The following ANKS1B variants were observed in gnomAD, a reference collection of about 807,000 sequenced individuals.
ANKS1B encodes ankyrin repeat and sterile alpha motif domain containing 1B, also known as ankyrin repeat and sterile alpha motif domain-containing protein 1B.
A neutral mutation model predicts 148.3 loss-of-function variants in ANKS1B; 36 were observed. The observed-to-expected ratio is 0.24, with a 90% CI of 0.19 to 0.32. ANKS1B has a LOEUF of 0.32. ANKS1B is among the 10% of genes least tolerant of loss of function. The pLI, the probability that ANKS1B is intolerant of heterozygous loss-of-function variation, is 1.00. For missense variants in ANKS1B, 1,157 were observed against 1,542.6 expected, an observed-to-expected ratio of 0.75 and a Z score of 4.19; for synonymous variants, 542 against 560.8, an observed-to-expected ratio of 0.97 and a Z score of 0.47.
chr12:98,956,136 G>A (rs961338468), intron 17 of ANKS1B, among the ~76,000 whole-genome samples: 1 of 152,126 alleles, frequency 6.6e-6, no homozygotes, highest in Non-Finnish European at 1.5e-5. Flanking sequence ...CTCCCTCTTT[G>A]TGACTGTGGT....
intron 17 of ANKS1B, among the ~76,000 whole-genome samples, chr12:98,934,423 G>A (rs1321002916): frequency 6.6e-6 from 1 of 152,000 alleles, no homozygotes; most frequent in Non-Finnish European, 1.5e-5. Flanking sequence ...GAAATAGGAC[G>A]TGTGAGGCCT....
At chr12:98,748,837 G>A (rs2097980355) in intron 26 of ANKS1B, among the ~76,000 whole-genome samples, 1 of 152,148 alleles carries the variant, frequency 6.6e-6, no homozygotes, top group Non-Finnish European at 1.5e-5. Context: ...GAAGCCTGTG[G>A]GGACCAGGGT....
chr12:99,563,429 T>C (rs760911324), intron 9 of ANKS1B, among the ~76,000 whole-genome samples: 14 of 152,108 alleles, frequency 9.2e-5, no homozygotes, highest in Non-Finnish European at 1.9e-4. Context: ...AATTTCTATA[T>C]TGTTGTGTCT....
intron 12 of ANKS1B, among the ~76,000 whole-genome samples, chr12:99,382,719 G>A (rs10860428): frequency 0.019 from 1,182 of 62,484 alleles, 14 homozygotes; most frequent in African/African-American, 0.084. Flanking sequence ...AAAAAAAAAA[G>A]AGAGAGAGAG....
intron 1 of ANKS1B, among the ~76,000 whole-genome samples, chr12:99,929,764 C>T (rs2094565784): frequency 6.6e-6 from 1 of 152,092 alleles, no homozygotes; most frequent in Admixed American, 6.5e-5. Flanking sequence ...AATCCTTTCC[C>T]CATTGCTTGT....
intron 1 of ANKS1B, among the ~76,000 whole-genome samples, chr12:99,859,286 A>C (rs933809855): frequency 5.9e-5 from 9 of 152,234 alleles, no homozygotes; most frequent in African/African-American, 2.2e-4. Flanking sequence ...CTAACAGTGA[A>C]GAACTCTTGC....
intron 9 of ANKS1B, among the ~76,000 whole-genome samples, chr12:99,581,713 AC>A (rs2097571231): frequency 6.6e-6 from 1 of 151,278 alleles, no homozygotes; most frequent in South Asian, 2.1e-4. Flanking sequence ...ACAAGGTGAA[AC>A]CCCGTCTCTA....
At chr12:99,283,406 G>C (rs11109795) in intron 12 of ANKS1B, among the ~76,000 whole-genome samples, 51,990 of 151,990 alleles carry the variant, frequency 0.34, 11,338 homozygotes, top group African/African-American at 0.62. Flanking sequence ...ATTTTTCAGT[G>C]ATAGAGCTCA....
chr12:99,822,649 A>G (rs929067660), intron 2 of ANKS1B, among the ~76,000 whole-genome samples: 1 of 152,200 alleles, frequency 6.6e-6, no homozygotes, highest in South Asian at 2.1e-4. Flanking sequence ...ATAGTATTCC[A>G]TGGTGCATAT....
intron 17 of ANKS1B, among the ~76,000 whole-genome samples, chr12:99,019,931 T>C (rs1435973384): frequency 6.6e-6 from 1 of 152,202 alleles, no homozygotes; most frequent in African/African-American, 2.4e-5. Flanking sequence ...TTTGTTACTA[T>C]GGGTCATACT....
chr12:99,317,156 T>C lies in ANKS1B; in HGVS notation c.1757-70292A>G, dbSNP rs936983700. On this transcript the variant is annotated intron_variant, in intron 12 of 26. Transcript: ENST00000683438. ...GGATTGTCTTGGCAATGTGGGCTCT[T>C]TTTTGGTTCCATATGAACTTTAAAG... Among the ~76,000 whole-genome samples, 170 of 152,334 alleles carry C rather than the reference T, an allele frequency of 1.1e-3. 1 individual carries two copies. The highest frequency in any genetic ancestry group is 4.0e-3 in the African/African-American group (167 of 41,584).
intron 15 of ANKS1B, among the ~76,000 whole-genome samples, chr12:99,140,679 C>T (rs1000557013): frequency 2.6e-5 from 4 of 152,118 alleles, no homozygotes; most frequent in Non-Finnish European, 4.4e-5. Context: ...GATCTCACAC[C>T]AAGTAGGTAA....
At chr12:99,891,357 G>C (rs939259595) in intron 1 of ANKS1B, among the ~76,000 whole-genome samples, 3 of 152,072 alleles carry the variant, frequency 2.0e-5, no homozygotes, top group African/African-American at 7.2e-5. Flanking sequence ...TGTGCAGTGT[G>C]TACTATATAG....
intron 17 of ANKS1B, among the ~76,000 whole-genome samples, chr12:98,848,430 A>T (rs1329329988): frequency 6.6e-6 from 1 of 152,204 alleles, no homozygotes; most frequent in African/African-American, 2.4e-5. Context: ...GAAATGTGTA[A>T]TTAATGATGA....
intron 9 of ANKS1B, chr12:99,648,184 T>C (rs775600923): frequency 1.9e-6 from 3 of 1,612,394 alleles, no homozygotes; most frequent in Non-Finnish European, 2.5e-6. Flanking sequence ...CATGGAGGAC[T>C]GCTGTATGCT....
At chr12:99,892,930 G>C (rs1377255667) in intron 1 of ANKS1B, among the ~76,000 whole-genome samples, 1 of 152,150 alleles carries the variant, frequency 6.6e-6, no homozygotes, top group Non-Finnish European at 1.5e-5. Context: ...GAAGAATCTG[G>C]ATGTCCAACA....
intron 17 of ANKS1B, among the ~76,000 whole-genome samples, chr12:99,007,997 T>C (rs1400888742): frequency 1.3e-5 from 2 of 151,530 alleles, no homozygotes; most frequent in Non-Finnish European, 2.9e-5. Context: ...CAGCTCTAAC[T>C]ACACTGCTTG....
chr12:98,829,051 C>G lies in ANKS1B; in HGVS notation c.3066+123G>C, dbSNP rs2099273714. The G allele has an allele frequency of 8.9e-7, 1 of 1,122,566 alleles. No homozygotes were observed. The highest frequency in any genetic ancestry group is 2.4e-5 in the East Asian group (1 of 42,494). 69.5% of individuals were successfully genotyped at this position (1,122,566 alleles called of 1,614,324 possible). A position where few individuals can be genotyped will look rare whatever the true frequency, so the allele number is the denominator to read the frequency against. On this transcript the variant is annotated intron_variant, in intron 19 of 26. Coordinates refer to ENST00000683438, the MANE Select transcript of ANKS1B (RefSeq NM_001352186.2). The surrounding 1 kb of genome is among the most constrained non-coding windows in gnomAD (Gnocchi z 5.2). ...GATGAGCAAGGAATGAAAGGCGGGGCATAACATGGTATAAATTCTAGTTAG... is the reference window on the plus strand; with the variant it reads ...GATGAGCAAGGAATGAAAGGCGGGGGATAACATGGTATAAATTCTAGTTAG...
intron 1 of ANKS1B, among the ~76,000 whole-genome samples, chr12:99,924,671 CG>C (rs2094443588): frequency 6.6e-6 from 1 of 151,964 alleles, no homozygotes; most frequent in African/African-American, 2.4e-5. Context: ...TAAAGGCCCC[CG>C]AAAAATGACT....
Sources: gnomAD v4.1 joint callset for allele counts (sites outside exome capture counted in the v4.1 genomes callset) on GRCh38, gnomAD v4.1.1 for gene constraint, Gnocchi (gnomAD v3.1) non-coding constraint, MANE v1.5 for transcripts, NCBI Gene and HGNC (gene_info 2026-07-23, HGNC 2026-07-21) for gene names.